The following CACNA1D variants were observed in gnomAD, a reference collection of about 807,000 sequenced individuals.
CACNA1D encodes calcium voltage-gated channel subunit alpha1 D.
A neutral mutation model predicts 257.1 loss-of-function variants in CACNA1D; 55 were observed. The ratio of observed to expected loss-of-function variants is 0.21; its 90% CI spans 0.17 to 0.27. CACNA1D has a LOEUF of 0.27. CACNA1D is among the 10% of genes least tolerant of loss of function. The pLI is 1.00. For missense variants in CACNA1D, 1,876 were observed against 2,784.0 expected (o/e 0.67, Z 7.34); for synonymous variants, 980 against 1,014.9 (o/e 0.97, Z 0.65).
chr3:53,695,521 G>A (rs542328330), intron 8 of CACNA1D, among the ~76,000 whole-genome samples: 214 of 152,240 alleles, frequency 1.4e-3, no homozygotes, highest in African/African-American at 4.7e-3. Context: ...GGGGTGTCAC[G>A]GGGCCCTGAC....
intron 3 of CACNA1D, among the ~76,000 whole-genome samples, chr3:53,596,008 T>C (rs1035205133): frequency 6.6e-5 from 10 of 152,196 alleles, no homozygotes; most frequent in Non-Finnish European, 2.9e-5. Flanking sequence ...TACAGAATTC[T>C]GTCATCATTA....
intron 3 of CACNA1D, among the ~76,000 whole-genome samples, chr3:53,555,876 G>A (rs1371730479): frequency 1.3e-5 from 2 of 152,226 alleles, no homozygotes; most frequent in African/African-American, 4.8e-5. Context: ...CGTGTATACA[G>A]TTCTGTGAGC....
chr3:53,796,537 A>G (rs2095508407), intron 40 of CACNA1D: 1 of 358,718 alleles, frequency 2.8e-6, no homozygotes, highest in African/African-American at 2.1e-5. Flanking sequence ...TCTAGGCAGG[A>G]GAAACTTAAC....
chr3:53,665,326 A>T (rs923937280), intron 5 of CACNA1D, among the ~76,000 whole-genome samples: 6 of 152,226 alleles, frequency 3.9e-5, no homozygotes, highest in African/African-American at 1.4e-4. Context: ...CCAAAGCACC[A>T]AACCTTATGA....
intron 3 of CACNA1D, among the ~76,000 whole-genome samples, chr3:53,590,873 G>A (rs990408227): frequency 3.3e-5 from 5 of 152,176 alleles, no homozygotes; most frequent in African/African-American, 1.2e-4. Flanking sequence ...ATCTGCTGCT[G>A]TTAGTGTGGG....
At position 53,774,347 on chromosome 3, in the gene CACNA1D, C is replaced by G; in HGVS notation, c.4111-240C>G. On this transcript the variant is annotated intron_variant, in intron 33 of 47. Coordinates refer to ENST00000350061, the MANE Select transcript of CACNA1D (RefSeq NM_001128840.3). This position sits in a 1 kb window ranked among gnomAD's most constrained non-coding sequence, Gnocchi z 4.3. ...GTTGCCTGGCTACCTTTGTGTCTCC[C>G]CCAGGGGAGATCCGCGAATGTGAGA... is the stretch of plus-strand genomic sequence containing the variant. 1 of 507,934 alleles carries G rather than the reference C, an allele frequency of 2.0e-6. No individual in the cohort carries two copies. The highest frequency in any genetic ancestry group is 5.6e-4 in the Middle Eastern group (1 of 1,792). 31.5% of individuals were successfully genotyped at this position (507,934 alleles called of 1,614,324 possible). A position where few individuals can be genotyped will look rare whatever the true frequency, so the allele number is the denominator to read the frequency against.
chr3:53,670,215 T>C, intron 7 of CACNA1D, among the ~76,000 whole-genome samples: 1 of 152,220 alleles, frequency 6.6e-6, no homozygotes, highest in East Asian at 1.9e-4. Context: ...GCTTGCCTTT[T>C]TCTTATTGCA....
At chr3:53,675,697 A>C (rs970134803) in intron 8 of CACNA1D, among the ~76,000 whole-genome samples, 4 of 152,240 alleles carry the variant, frequency 2.6e-5, no homozygotes, top group Non-Finnish European at 5.9e-5. Flanking sequence ...AGGATAAAAA[A>C]GGTACACTCC....
At chr3:53,704,606 C>T (rs2094666225) in intron 9 of CACNA1D, among the ~76,000 whole-genome samples, 1 of 152,206 alleles carries the variant, frequency 6.6e-6, no homozygotes, top group Admixed American at 6.5e-5. Flanking sequence ...TTTCGTGGAG[C>T]TTCTGCACCT....
At chr3:53,606,618 T>G (rs956262259) in intron 3 of CACNA1D, among the ~76,000 whole-genome samples, 2 of 152,238 alleles carry the variant, frequency 1.3e-5, no homozygotes, top group Admixed American at 1.3e-4. Flanking sequence ...GATATGTGGT[T>G]TGGGCTTTGA....
At chr3:53,513,889 G>C (rs139779404) in intron 3 of CACNA1D, among the ~76,000 whole-genome samples, 23 of 152,284 alleles carry the variant, frequency 1.5e-4, no homozygotes, top group African/African-American at 5.3e-4. Flanking sequence ...GTCACATGCT[G>C]TACAGGTTTG....
At chr3:53,556,913 A>G (rs1464236841) in intron 3 of CACNA1D, among the ~76,000 whole-genome samples, 1 of 151,838 alleles carries the variant, frequency 6.6e-6, no homozygotes, top group African/African-American at 2.4e-5. Flanking sequence ...ATGGGGTTTT[A>G]CCATGTTGGC....
At chr3:53,510,444 GTTTA>G (rs1435497025) in intron 3 of CACNA1D, among the ~76,000 whole-genome samples, 3 of 152,134 alleles carry the variant, frequency 2.0e-5, no homozygotes, top group Admixed American at 6.5e-5. Context: ...ATGTACCACA[GTTTA>G]TTTGTTTTCT....
chr3:53,713,409 T>C (rs955625800), intron 9 of CACNA1D, among the ~76,000 whole-genome samples: 10 of 152,074 alleles, frequency 6.6e-5, no homozygotes, highest in Non-Finnish European at 1.3e-4. Flanking sequence ...TCACTGAAGG[T>C]TGATCTGAGA....
At chr3:53,698,115 TATC>T (rs2094588776) in intron 8 of CACNA1D, among the ~76,000 whole-genome samples, 1 of 152,240 alleles carries the variant, frequency 6.6e-6, no homozygotes, top group Admixed American at 6.5e-5. Context: ...CATACTCACA[TATC>T]AGCCTCTTTT....
chr3:53,512,548 C>T (rs546213494), intron 3 of CACNA1D, among the ~76,000 whole-genome samples: 1 of 152,258 alleles, frequency 6.6e-6, no homozygotes, highest in South Asian at 2.1e-4. Flanking sequence ...CTTTTTCAGA[C>T]CCGCCAGCAT....
chr3:53,535,725 G>A (rs1252762814), intron 3 of CACNA1D, among the ~76,000 whole-genome samples: 3 of 152,144 alleles, frequency 2.0e-5, no homozygotes, highest in Non-Finnish European at 4.4e-5. Context: ...ATGAAAGCTG[G>A]GGCAGTTATG....
intron 29 of CACNA1D, among the ~76,000 whole-genome samples, chr3:53,758,479 G>A (rs1250380200): frequency 1.3e-5 from 2 of 152,154 alleles, no homozygotes. Flanking sequence ...TGCAACGCCT[G>A]TGCCATATCC....
chr3:53,667,430 G>A (rs1297756058), intron 7 of CACNA1D, among the ~76,000 whole-genome samples: 1 of 152,168 alleles, frequency 6.6e-6, no homozygotes, highest in African/African-American at 2.4e-5. Flanking sequence ...CTAAATCCAA[G>A]TCCAAAGGGG....
Sources: gnomAD v4.1 joint callset for allele counts (sites outside exome capture counted in the v4.1 genomes callset) on GRCh38, gnomAD v4.1.1 for gene constraint, Gnocchi (gnomAD v3.1) non-coding constraint, MANE v1.5 for transcripts, NCBI Gene and HGNC (gene_info 2026-07-23, HGNC 2026-07-21) for gene names.